CPNE2: variants seen among roughly 807,000 people sequenced by gnomAD.
CPNE2 encodes the protein copine 2, also known as copine-2.
A neutral mutation model predicts 69.7 loss-of-function variants in CPNE2; 42 were observed. The ratio of observed to expected loss-of-function variants is 0.60; its 90% confidence interval spans 0.47 to 0.78. The LOEUF (loss-of-function observed/expected upper bound fraction) is 0.78, where lower values mean the gene tolerates loss of function less well. Among genes scored for constraint, CPNE2 ranks in the 30% least tolerant of loss-of-function variants. The pLI, the probability that CPNE2 is intolerant of heterozygous loss-of-function variation, is 0.00. For missense variants in CPNE2, 587 were observed against 732.0 expected, an observed-to-expected ratio of 0.80 and a Z score of 2.29; for synonymous variants, 294 against 289.8, an observed-to-expected ratio of 1.01 and a Z score of -0.15.
intron 11 of CPNE2, 109 bp downstream of exon 11, chr16:57,126,102 C>A: frequency 7.3e-7 from 1 of 1,362,722 alleles, no homozygotes; most frequent in Non-Finnish European, 1.0e-6. Flanking sequence ...TAGGAATGGA[C>A]AGCAAATGGC....
Position 57,140,871 on chromosome 16 carries a change from T to C in CPNE2, c.1302+3589T>C, listed in dbSNP as rs1432693441. The C allele has an allele frequency of 2.3e-3, 4 of 1,728 alleles. No homozygotes were observed. In the East Asian group the frequency reaches 0.08, roughly 35 times the overall value. The allele number at this position is 1,728 out of a possible 1,614,324, so 0.1% of individuals were successfully genotyped here. A position where few individuals can be genotyped will look rare whatever the true frequency, so the allele number is the denominator to read the frequency against. The stretch of plus-strand genomic sequence containing the variant: ...TGAGCCACGGCACCCGGCCGGGATT[T>C]TTTTTTTTTTTTTTTTTTTTTTTTA... On this transcript the variant is annotated intron_variant, in intron 14 of 15. Transcript: ENST00000290776.
chr16:57,125,736 T>C, intron 10 of CPNE2, 124 bp from the exon 11 acceptor site: 1 of 1,196,560 alleles, frequency 8.4e-7, no homozygotes, highest in Non-Finnish European at 1.2e-6. Context: ...GACCATCTTA[T>C]TGTGGGGAGG....
chr16:57,093,229 A>C, intron 1 of CPNE2, among the ~76,000 whole-genome samples: 1 of 139,848 alleles, frequency 7.2e-6, no homozygotes, highest in Admixed American at 7.0e-5. Context: ...ACCCCTCAAC[A>C]CCCACCCCCT....
intron 1 of CPNE2, among the ~76,000 whole-genome samples, chr16:57,095,759 C>T (rs2069574659): frequency 6.6e-6 from 1 of 152,202 alleles, no homozygotes; most frequent in Non-Finnish European, 1.5e-5. Flanking sequence ...GCCACTGTGC[C>T]CGACCATGGA....
intron 1 of CPNE2, among the ~76,000 whole-genome samples, chr16:57,096,721 T>C (rs1286431029): frequency 6.8e-6 from 1 of 147,934 alleles, no homozygotes; most frequent in East Asian, 2.0e-4. Flanking sequence ...AAAAAAAGAC[T>C]TGGGGTCCAA....
chr16:57,098,116 C>A (rs2069589731), intron 1 of CPNE2, among the ~76,000 whole-genome samples: 1 of 152,186 alleles, frequency 6.6e-6, no homozygotes, highest in African/African-American at 2.4e-5. Flanking sequence ...CAAGGGAAGC[C>A]ACCTCCCCTA....
intron 1 of CPNE2, among the ~76,000 whole-genome samples, chr16:57,108,130 A>G (rs1327587214): frequency 1.3e-5 from 2 of 152,142 alleles, no homozygotes; most frequent in Non-Finnish European, 2.9e-5. Context: ...TGGGCCTCCC[A>G]AAGTGCTGGG....
intron 1 of CPNE2, among the ~76,000 whole-genome samples, chr16:57,100,475 C>G (rs2069606340): frequency 6.6e-6 from 1 of 152,238 alleles, no homozygotes; most frequent in Non-Finnish European, 1.5e-5. Context: ...TGCAGTGCGT[C>G]AAGCATTTTG....
chr16:57,144,949 A>G (rs2145287813), intron 14 of CPNE2: 1 of 152,250 alleles, frequency 6.6e-6, no homozygotes, highest in East Asian at 1.9e-4. Flanking sequence ...AAAAAAAAGA[A>G]AAAAGAGTTC....
At chr16:57,121,653 T>G in intron 8 of CPNE2, 21 bp from the exon 9 acceptor site, 1 of 1,613,002 alleles carries the variant, frequency 6.2e-7, no homozygotes, top group Non-Finnish European at 8.5e-7. Context: ...GGTGAGTGTC[T>G]CTTTCTTTTG....
intron 12 of CPNE2, among the ~76,000 whole-genome samples, chr16:57,132,626 A>G (rs11861384): frequency 6.6e-6 from 1 of 152,172 alleles, no homozygotes; most frequent in African/African-American, 2.4e-5. Flanking sequence ...TGTGGCTGGC[A>G]GCCAGTCCCC....
At chr16:57,095,497 G>C (rs888493509) in intron 1 of CPNE2, among the ~76,000 whole-genome samples, 13 of 152,058 alleles carry the variant, frequency 8.5e-5, no homozygotes, top group Non-Finnish European at 7.4e-5. Flanking sequence ...TTTTGAGACA[G>C]GATCTTGCTC....
chr16:57,093,759 A>G (rs1187668780), intron 1 of CPNE2, among the ~76,000 whole-genome samples: 1 of 152,104 alleles, frequency 6.6e-6, no homozygotes, highest in Non-Finnish European at 1.5e-5. Context: ...GCTCCCTTAG[A>G]GGTGTGTGCT....
chr16:57,099,152 G>T (rs2069597187), intron 1 of CPNE2, among the ~76,000 whole-genome samples: 1 of 152,130 alleles, frequency 6.6e-6, no homozygotes, highest in African/African-American at 2.4e-5. Flanking sequence ...CTGACTTCCA[G>T]CAGCATAGAT....
intron 14 of CPNE2, 115 bp from the exon 15 acceptor site, chr16:57,145,969 TG>T: frequency 1.2e-6 from 1 of 838,776 alleles, no homozygotes; most frequent in Non-Finnish European, 1.9e-6. Flanking sequence ...TGGCTGCAGC[TG>T]GGTAAGATGC....
At chr16:57,105,949 C>A (rs1479278575) in intron 1 of CPNE2, 2 of 152,460 alleles carry the variant, frequency 1.3e-5, no homozygotes, top group African/African-American at 4.8e-5. Context: ...CCCAGCCCTC[C>A]CTTAATGACA....
intron 13 of CPNE2, among the ~76,000 whole-genome samples, chr16:57,136,868 C>T (rs1362060598): frequency 6.6e-6 from 1 of 152,168 alleles, no homozygotes; most frequent in Non-Finnish European, 1.5e-5. Context: ...GAGCCGAGAT[C>T]CTGTCACTGC....
At chr16:57,097,933 G>A (rs937627989) in intron 1 of CPNE2, among the ~76,000 whole-genome samples, 1 of 152,250 alleles carries the variant, frequency 6.6e-6, no homozygotes, top group Non-Finnish European at 1.5e-5. Context: ...GGAAGGAGCT[G>A]AGGCCCAGGA....
At chr16:57,140,095 G>A (rs1285074150) in intron 14 of CPNE2, among the ~76,000 whole-genome samples, 2 of 152,134 alleles carry the variant, frequency 1.3e-5, no homozygotes, top group East Asian at 3.9e-4. Context: ...GAGCTTCCCG[G>A]CCCTGACCCT....
Sources: gnomAD v4.1 joint callset for allele counts (sites outside exome capture counted in the v4.1 genomes callset) on GRCh38, gnomAD v4.1.1 for gene constraint, MANE v1.5 for transcripts, NCBI Gene and HGNC (gene_info 2026-07-23, HGNC 2026-07-21) for gene names.